Variants in MAPK9 observed in about 807,000 individuals in gnomAD.
MAPK9 encodes the protein mitogen-activated protein kinase 9.
A neutral mutation model predicts 57.1 loss-of-function variants in MAPK9; 30 were observed. The observed-to-expected ratio is 0.53, with a 90% confidence interval of 0.39 to 0.71. The LOEUF (loss-of-function observed/expected upper bound fraction) is 0.71. Ranked by LOEUF, MAPK9 falls within the 30% of genes least tolerant of loss-of-function variation. The probability of loss-of-function intolerance (pLI) is 0.00; values close to 1 mark genes in which losing one functional copy is unlikely to be tolerated. For synonymous variants in MAPK9, 155 were observed against 177.0 expected, an observed-to-expected ratio of 0.88 and a Z score of 0.99; for missense variants, 362 against 521.0, an observed-to-expected ratio of 0.69 and a Z score of 2.97.
At chr5:180,289,367 T>C (rs1426084050) in intron 1 of MAPK9, among the ~76,000 whole-genome samples, 1 of 152,092 alleles carries the variant, frequency 6.6e-6, no homozygotes, top group Non-Finnish European at 1.5e-5. Context: ...AAAAGAGAAG[T>C]CTATGCAAAA....
chr5:180,279,838 A>G (rs913164386), intron 2 of MAPK9: 1 of 456,458 alleles, frequency 2.2e-6, no homozygotes, highest in Non-Finnish European at 4.4e-6. Context: ...CCGTCTTACC[A>G]TGCAAGAGAC....
At chr5:180,274,368 T>C (rs997049560) in intron 2 of MAPK9, among the ~76,000 whole-genome samples, 1 of 152,182 alleles carries the variant, frequency 6.6e-6, no homozygotes, top group South Asian at 2.1e-4. Flanking sequence ...CCTATTCTTA[T>C]CACGAGAGCC....
Position 180,236,453 on chromosome 5 carries a change from C to T in MAPK9, c.1206G>A (p.Glu402=). The T allele has an allele frequency of 6.2e-7, 1 of 1,614,122 alleles. No individual in the cohort carries two copies. Among genetic ancestry groups the T allele is most frequent in the Non-Finnish European group, 8.5e-7 (1 of 1,179,958 alleles). ...SINDISSMST[E]QTLASDTDSS... ...TGTCTGTGTCTGAGGCCAGCGTCTG[C>T]TCAGTGGACATGGATGAAATGTCAT... Residue 402 remains glutamate (E), a synonymous_variant, in exon 12 of 12, where the codon GAG becomes GAA. Transcript: ENST00000452135.
At chr5:180,248,938 A>G (rs374031644) in intron 6 of MAPK9, 35 bp downstream of exon 6, 1 of 1,556,822 alleles carries the variant, frequency 6.4e-7, no homozygotes, top group Non-Finnish European at 8.7e-7. Context: ...CAATTTCTAA[A>G]CATCCCAGCC....
chr5:180,286,823 G>A (rs146530257), intron 1 of MAPK9, among the ~76,000 whole-genome samples: 86 of 152,326 alleles, frequency 5.6e-4, no homozygotes, highest in African/African-American at 1.9e-3. Flanking sequence ...ATCACTCCAC[G>A]TGAGAATATG....
chr5:180,271,786 GA>G (rs1761347953), intron 2 of MAPK9, among the ~76,000 whole-genome samples: 3 of 152,252 alleles, frequency 2.0e-5, no homozygotes, highest in Admixed American at 2.0e-4. Flanking sequence ...CTATTTCCAG[GA>G]TCAAGGACAA....
rs142529737 is a variant in MAPK9, at chr5:180,247,830, G to C, written c.617-320C>G. The stretch of plus-strand genomic sequence containing the variant: ...CGCCCACCCCAGCCTCCATGGCCAA[G>C]TACCGGGTCCCCTGTGAAGGATACA... On this transcript the variant is annotated intron_variant, in intron 6 of 11. Transcript: ENST00000452135. This position sits in a 1 kb window ranked among gnomAD's most constrained non-coding sequence, Gnocchi z 4.5. The C allele has an allele frequency of 4.0e-5, 65 of 1,613,102 alleles. No individual in the cohort carries two copies. In the African/African-American group the frequency reaches 7.9e-4, roughly 20 times the overall value.
intron 3 of MAPK9, among the ~76,000 whole-genome samples, chr5:180,267,235 T>A (rs1760660521): frequency 6.6e-6 from 1 of 152,150 alleles, no homozygotes; most frequent in Admixed American, 6.5e-5. Flanking sequence ...ATAATATATA[T>A]TTTTTGTAAC....
Position 180,249,064 on chromosome 5 carries a change from T to C in MAPK9, c.525A>G (p.Thr175=), listed in dbSNP as rs1346010588. ...LKILDFGLAR[T]ACTNFMMTPY... Reference sequence around the variant, plus strand: ...GGGTCATCATGAAGTTAGTGCACGCTGTCCGGGCCAGGCCAAAGTCAAGGA... The same window carrying C: ...GGGTCATCATGAAGTTAGTGCACGCCGTCCGGGCCAGGCCAAAGTCAAGGA... Residue 175 remains threonine (T), a synonymous_variant, in exon 6 of 12, where the codon ACA becomes ACG. Transcript: ENST00000452135. 1.9e-6 allele frequency: 3 copies of C among 1,614,110 alleles called. No individual in the cohort carries two copies. The highest frequency in any genetic ancestry group is 2.5e-6 in the Non-Finnish European group (3 of 1,179,974).
At chr5:180,276,078 G>A (rs1425199800) in intron 2 of MAPK9, among the ~76,000 whole-genome samples, 1 of 152,198 alleles carries the variant, frequency 6.6e-6, no homozygotes, top group African/African-American at 2.4e-5. Flanking sequence ...CTTCGCTGAG[G>A]AAAAGAGCTG....
chr5:180,248,242 G>A (rs996036043), intron 6 of MAPK9, among the ~76,000 whole-genome samples: 14 of 152,182 alleles, frequency 9.2e-5, no homozygotes, highest in African/African-American at 2.7e-4. Context: ...CCCTGCTGGC[G>A]GGCCGAGGGG....
chr5:180,239,042 T>A (rs1326141396), intron 10 of MAPK9, among the ~76,000 whole-genome samples: 1 of 152,204 alleles, frequency 6.6e-6, no homozygotes, highest in Non-Finnish European at 1.5e-5. Flanking sequence ...TCACACCCAT[T>A]TGAATATGTT....
At chr5:180,278,286 A>T (rs1265121100) in intron 2 of MAPK9, among the ~76,000 whole-genome samples, 1 of 152,270 alleles carries the variant, frequency 6.6e-6, no homozygotes, top group Admixed American at 6.5e-5. Flanking sequence ...TCGATTCACC[A>T]CCAGTGAGGG....
intron 5 of MAPK9, chr5:180,258,210 T>TG (rs1759496036): frequency 6.6e-6 from 1 of 152,216 alleles, no homozygotes; most frequent in Admixed American, 6.6e-5. Flanking sequence ...GAACTCACAG[T>TG]GGGGAAAAAC....
chr5:180,239,728 G>A (rs1312188115), intron 10 of MAPK9, among the ~76,000 whole-genome samples, 196 bp downstream of exon 10: 2 of 152,102 alleles, frequency 1.3e-5, no homozygotes, highest in Non-Finnish European at 2.9e-5. Flanking sequence ...CAAATGATAA[G>A]AAATTCATAA....
intron 7 of MAPK9, among the ~76,000 whole-genome samples, chr5:180,245,013 C>A (rs1757973671): frequency 6.6e-6 from 1 of 152,158 alleles, no homozygotes; most frequent in African/African-American, 2.4e-5. Context: ...GAGGAGGGGT[C>A]ACGTGAGTGC....
chr5:180,249,738 A>G (rs1252517162), intron 5 of MAPK9, among the ~76,000 whole-genome samples: 3 of 152,266 alleles, frequency 2.0e-5, no homozygotes, highest in Non-Finnish European at 2.9e-5. Flanking sequence ...AATTTTAATC[A>G]TACAGTATAT....
At position 180,253,738 on chromosome 5, in the gene MAPK9, T is replaced by A. The variant is rs554688377; in HGVS notation, c.451-4600A>T. 3 of 152,334 alleles carry A rather than the reference T, an allele frequency of 2.0e-5. No homozygotes were observed. The South Asian group carries it at 6.2e-4, about 32-fold the overall frequency. 9.4% of individuals were successfully genotyped at this position (152,334 alleles called of 1,614,324 possible). ...GCCTGCAACAGGGCTGCCTGGTGAG[T>A]TTGCGCTCTGCCACATGAGAAGCAC... is the stretch of plus-strand genomic sequence containing the variant. On this transcript the variant is annotated intron_variant, in intron 5 of 11. Transcript: ENST00000452135.
rs993500432 is a variant in MAPK9, at chr5:180,236,174, G to C, written c.*210C>G. 2.3e-6 allele frequency: 1 copy of C among 427,100 alleles called. No individual in the cohort carries two copies. Among genetic ancestry groups the C allele is most frequent in the African/African-American group, 2.0e-5 (1 of 49,610 alleles). The allele number at this position is 427,100 out of a possible 1,614,324, so 26.5% of individuals were successfully genotyped here. Reference sequence around the variant, plus strand: ...ATGATCTTGAACAAAATCTCTAGAAGTGTGGCTTGCAATTTTTTTCTTCAG... The same window carrying C: ...ATGATCTTGAACAAAATCTCTAGAACTGTGGCTTGCAATTTTTTTCTTCAG... On this transcript the variant is annotated 3_prime_UTR_variant, in exon 12 of 12. Coordinates refer to ENST00000452135, the MANE Select transcript of MAPK9 (RefSeq NM_002752.5).
Sources: allele counts gnomAD v4.1 joint callset (sites outside exome capture counted in the v4.1 genomes callset), GRCh38; gene constraint gnomAD v4.1.1; non-coding constraint Gnocchi (gnomAD v3.1); transcripts MANE v1.5; gene names NCBI Gene and HGNC (gene_info 2026-07-23, HGNC 2026-07-21).